Variants in ASTN1 observed in about 807,000 individuals in gnomAD.
ASTN1 encodes the protein astrotactin 1.
Under a neutral mutation model 140.7 loss-of-function variants are expected in ASTN1, and 41 were observed. The observed-to-expected ratio is 0.29, with a 90% CI of 0.23 to 0.38. ASTN1 has a LOEUF of 0.38. Among genes scored for constraint, ASTN1 ranks in the 10% least tolerant of loss-of-function variants. ASTN1 has a pLI of 1.00. For missense variants in ASTN1, 1,479 were observed against 1,678.8 expected, an observed-to-expected ratio of 0.88 and a Z score of 2.08; for synonymous variants, 640 against 652.2, an observed-to-expected ratio of 0.98 and a Z score of 0.29.
chr1:176,949,647 C>A (rs571172185), intron 11 of ASTN1, among the ~76,000 whole-genome samples: 3 of 152,304 alleles, frequency 2.0e-5, no homozygotes, highest in African/African-American at 7.2e-5. Flanking sequence ...TACTGGCCTC[C>A]CAAATGGGCC....
At chr1:176,916,434 G>A (rs1395732503) in intron 16 of ASTN1, among the ~76,000 whole-genome samples, 1 of 152,132 alleles carries the variant, frequency 6.6e-6, no homozygotes, top group Non-Finnish European at 1.5e-5. Context: ...ATCCAAGTCA[G>A]CCAGTTTAAT....
At chr1:177,020,472 T>A (rs228021) in intron 7 of ASTN1, among the ~76,000 whole-genome samples, 5,258 of 152,162 alleles carry the variant, frequency 0.035, 269 homozygotes, top group African/African-American at 0.11. Flanking sequence ...GCTGCTTGAG[T>A]CCTCCTCACA....
Position 176,864,416 on chromosome 1 carries a change from C to T in ASTN1, c.3753G>A (p.Leu1251=). 1.2e-6 allele frequency: 2 copies of T among 1,614,158 alleles called. No homozygotes were observed. The highest frequency in any genetic ancestry group is 1.7e-6 in the Non-Finnish European group (2 of 1,180,020). Residue 1251 remains leucine, a synonymous_variant, in exon 23 of 23, where the codon CTG becomes CTA. Coordinates refer to ENST00000361833, the MANE Select transcript of ASTN1 (RefSeq NM_004319.3). ...GTTTGATCTCGCTGTAGCGGCACCCCAGGTACTTGAGTGAGCTGCGCCGCA... is the reference window on the plus strand; with the variant it reads ...GTTTGATCTCGCTGTAGCGGCACCCTAGGTACTTGAGTGAGCTGCGCCGCA... ...ISLRRSSLKY[L]GCRYSEIKPY...
intron 1 of ASTN1, among the ~76,000 whole-genome samples, chr1:177,145,324 T>C (rs144815374): frequency 3.6e-4 from 55 of 152,330 alleles, no homozygotes; most frequent in Non-Finnish European, 7.2e-4. Context: ...AGTGTCTCAA[T>C]TGGTCTCCCC....
At chr1:176,866,713 A>T (rs1341603041) in intron 22 of ASTN1, among the ~76,000 whole-genome samples, 1 of 152,160 alleles carries the variant, frequency 6.6e-6, no homozygotes, top group Middle Eastern at 3.2e-3. Flanking sequence ...CTTCCTTTCT[A>T]ATTAGTGGTG....
intron 1 of ASTN1, among the ~76,000 whole-genome samples, chr1:177,125,384 C>T (rs1236933772): frequency 6.6e-6 from 1 of 152,108 alleles, no homozygotes; most frequent in African/African-American, 2.4e-5. Context: ...GGATTGATTG[C>T]CCATTTAATC....
chr1:177,153,198 C>T (rs1042640362), intron 1 of ASTN1, among the ~76,000 whole-genome samples: 3 of 152,220 alleles, frequency 2.0e-5, no homozygotes, highest in Middle Eastern at 3.4e-3. Context: ...TTAGTTCCCT[C>T]TAAGAGCTGG....
chr1:176,968,092 C>T (rs949778291), intron 8 of ASTN1, among the ~76,000 whole-genome samples: 4 of 152,216 alleles, frequency 2.6e-5, no homozygotes, highest in Non-Finnish European at 4.4e-5. Context: ...CACTGTGTGA[C>T]TTTGGGCAAG....
intron 16 of ASTN1, among the ~76,000 whole-genome samples, chr1:176,897,870 T>C (rs1402466788): frequency 1.3e-5 from 2 of 152,142 alleles, no homozygotes; most frequent in African/African-American, 4.8e-5. Context: ...CACCAGTGCC[T>C]TTTCTCGCAC....
intron 1 of ASTN1, among the ~76,000 whole-genome samples, chr1:177,078,247 C>T (rs780101251): frequency 4.6e-5 from 7 of 152,174 alleles, no homozygotes; most frequent in Non-Finnish European, 1.0e-4. Flanking sequence ...GGATCCAGGT[C>T]CACCTGCCTT....
At position 176,876,610 on chromosome 1, in the gene ASTN1, T is replaced by A; in HGVS notation, c.3390A>T (p.Thr1130=). Residue 1130 remains threonine, a synonymous_variant, in exon 21 of 23, where the codon ACA becomes ACT. Transcript: ENST00000361833. Reference sequence around the variant, plus strand: ...CGTCGCTTGGCCTGGAGCGCCGTCCTGTGTTGTCCACTCCCCACAGCGTGA... The same window carrying A: ...CGTCGCTTGGCCTGGAGCGCCGTCCAGTGTTGTCCACTCCCCACAGCGTGA... ...YMFTLWGVDN[T]GRRSRPSDVI... The A allele has an allele frequency of 6.2e-7, 1 of 1,614,118 alleles. No individual in the cohort carries two copies. Among genetic ancestry groups the A allele is most frequent in the South Asian group, 1.1e-5 (1 of 91,086 alleles).
intron 1 of ASTN1, among the ~76,000 whole-genome samples, chr1:177,068,433 T>C (rs1022872796): frequency 3.3e-5 from 5 of 152,208 alleles, no homozygotes; most frequent in African/African-American, 1.2e-4. Flanking sequence ...AGAAGGATAA[T>C]TGAATTTCTA....
chr1:176,933,395 A>G (rs962094052), intron 16 of ASTN1, among the ~76,000 whole-genome samples: 2 of 152,198 alleles, frequency 1.3e-5, no homozygotes, highest in Non-Finnish European at 2.9e-5. Flanking sequence ...CAAGTCCCAT[A>G]TCTACAACTT....
intron 8 of ASTN1, among the ~76,000 whole-genome samples, chr1:176,994,775 T>C (rs888308978): frequency 2.6e-5 from 4 of 152,136 alleles, no homozygotes; most frequent in African/African-American, 9.7e-5. Flanking sequence ...ATTCATAAGG[T>C]TGTAGTGAAG....
At position 176,934,295 on chromosome 1, in the gene ASTN1, G is replaced by C. The variant is rs1198863216; in HGVS notation, c.2528C>G (p.Ala843Gly). 1.2e-6 allele frequency: 2 copies of C among 1,613,838 alleles called. No homozygotes were observed. The highest frequency in any genetic ancestry group is 1.7e-6 in the Non-Finnish European group (2 of 1,179,838). ...LHSLDGATSR[A>G]DFVALLDQFG... ...CTGGTCCAACAGCGCCACAAAATCTGCACGAGATGTAGCCCCATCCAGCGA... is the reference window on the plus strand; with the variant it reads ...CTGGTCCAACAGCGCCACAAAATCTCCACGAGATGTAGCCCCATCCAGCGA... The change falls in exon 16 of 23, where the codon GCA becomes GGA. Residue 843 changes from alanine to glycine, a missense_variant. Coordinates refer to ENST00000361833, the MANE Select transcript of ASTN1 (RefSeq NM_004319.3).
intron 16 of ASTN1, among the ~76,000 whole-genome samples, chr1:176,932,710 C>T (rs900314861): frequency 2.0e-5 from 3 of 152,184 alleles, no homozygotes; most frequent in Non-Finnish European, 4.4e-5. Context: ...ATGCCAAGAC[C>T]GTGGACAGAA....
chr1:176,918,307 C>T (rs79270943), intron 16 of ASTN1, among the ~76,000 whole-genome samples: 27 of 152,282 alleles, frequency 1.8e-4, no homozygotes, highest in African/African-American at 6.5e-4. Flanking sequence ...GTTGAATTCA[C>T]CAGAACTCAC....
chr1:176,949,116 T>G, intron 12 of ASTN1, 69 bp downstream of exon 12: 1 of 1,585,834 alleles, frequency 6.3e-7, no homozygotes, highest in East Asian at 2.2e-5. Flanking sequence ...ATTTCCTGGA[T>G]TTAGCATTGA....
chr1:176,887,771 T>C (rs1669097552), intron 18 of ASTN1, among the ~76,000 whole-genome samples: 1 of 152,058 alleles, frequency 6.6e-6, no homozygotes, highest in African/African-American at 2.4e-5. Context: ...TCCTACTTTC[T>C]CCACCTTCAA....
Sources: allele counts gnomAD v4.1 joint callset (sites outside exome capture counted in the v4.1 genomes callset), GRCh38; gene constraint gnomAD v4.1.1; transcripts MANE v1.5; gene names NCBI Gene and HGNC (gene_info 2026-07-23, HGNC 2026-07-21).